The following STXBP6 variants were observed in gnomAD, a reference collection of about 807,000 sequenced individuals.
STXBP6 encodes the protein syntaxin-binding protein 6.
STXBP6 carries 21 observed loss-of-function variants against 26.9 expected under a neutral mutation model. The observed-to-expected ratio is 0.78, with a 90% CI of 0.55 to 1.12. The LOEUF (loss-of-function observed/expected upper bound fraction) is 1.12, where lower values mean the gene tolerates loss of function less well. Ranked by LOEUF, STXBP6 falls within the 50% of genes most tolerant of loss-of-function variation. The pLI is 0.00. For synonymous variants in STXBP6, 97 were observed against 92.6 expected, an observed-to-expected ratio of 1.05 and a Z score of -0.27; for missense variants, 232 against 257.9, an observed-to-expected ratio of 0.90 and a Z score of 0.69.
chr14:25,015,916 G>A (rs2140402660), intron 1 of STXBP6, among the ~76,000 whole-genome samples: 1 of 152,246 alleles, frequency 6.6e-6, no homozygotes, highest in East Asian at 1.9e-4. Flanking sequence ...GTGTCACCTT[G>A]TAGCTAAGAG....
intron 2 of STXBP6, among the ~76,000 whole-genome samples, chr14:24,877,855 G>A (rs1258327791): frequency 6.6e-6 from 1 of 152,166 alleles, no homozygotes; most frequent in South Asian, 2.1e-4. Context: ...TATAAGCAAT[G>A]TAACATCTTG....
intron 1 of STXBP6, among the ~76,000 whole-genome samples, chr14:25,039,706 TC>T (rs978094672): frequency 8.8e-5 from 13 of 147,944 alleles, no homozygotes; most frequent in African/African-American, 3.2e-4. Flanking sequence ...AGAATCTGCA[TC>T]CTTTTTTTTT....
intron 2 of STXBP6, among the ~76,000 whole-genome samples, chr14:24,936,450 T>A (rs923519819): frequency 6.6e-6 from 1 of 152,208 alleles, no homozygotes; most frequent in Non-Finnish European, 1.5e-5. Context: ...ATAGGAAGAA[T>A]GTGAAGAAAG....
At chr14:24,891,378 A>C (rs1241616) in intron 2 of STXBP6, among the ~76,000 whole-genome samples, 55,552 of 152,054 alleles carry the variant, frequency 0.37, 10,367 homozygotes, top group East Asian at 0.43. Flanking sequence ...TTGAATACTC[A>C]GTTCATATCC....
chr14:25,038,253 A>G (rs956822324), intron 1 of STXBP6, among the ~76,000 whole-genome samples: 2 of 152,212 alleles, frequency 1.3e-5, no homozygotes, highest in Non-Finnish European at 2.9e-5. Context: ...AATGTGGAAC[A>G]ATGGAACTCT....
At position 24,852,959 on chromosome 14, in the gene STXBP6, A is replaced by C. The variant is rs148457942; in HGVS notation, c.451+2977T>G. On this transcript the variant is annotated intron_variant, in intron 4 of 5. Transcript: ENST00000323944. ...CTTGGCAAGCTATTTGATCTCTCTG[A>C]TTCTGTTTCCTTCTCTATAAAATGG... 5.1e-3 allele frequency among the ~76,000 whole-genome samples: 775 copies of C among 152,214 alleles called. 7 individuals carry two copies. The highest frequency in any genetic ancestry group is 0.018 in the African/African-American group (728 of 41,556).
intron 4 of STXBP6, among the ~76,000 whole-genome samples, chr14:24,825,397 T>C (rs1472299866): frequency 2.0e-5 from 3 of 152,222 alleles, no homozygotes; most frequent in Non-Finnish European, 4.4e-5. Context: ...AATTATCTTT[T>C]GTCTCAAGTT....
intron 1 of STXBP6, among the ~76,000 whole-genome samples, chr14:25,039,738 G>A (rs978891622): frequency 1.0e-4 from 15 of 148,162 alleles, no homozygotes; most frequent in East Asian, 7.9e-4. Flanking sequence ...ACGGAGTCTC[G>A]CTCTGTTGCC....
At chr14:24,881,055 C>T in intron 2 of STXBP6, among the ~76,000 whole-genome samples, 1 of 152,170 alleles carries the variant, frequency 6.6e-6, no homozygotes, top group East Asian at 1.9e-4. Context: ...ACTTGCTTCC[C>T]CATACACCTT....
intron 2 of STXBP6, among the ~76,000 whole-genome samples, chr14:24,869,196 C>A (rs528948030): frequency 2.6e-5 from 4 of 152,100 alleles, no homozygotes; most frequent in Admixed American, 6.6e-5. Context: ...TTTCACCCAC[C>A]CTACTCTCTT....
chr14:24,960,874 ATC>A (rs2073513114), intron 2 of STXBP6, among the ~76,000 whole-genome samples: 1 of 152,224 alleles, frequency 6.6e-6, no homozygotes, highest in Non-Finnish European at 1.5e-5. Context: ...CAATAATCAC[ATC>A]TCTTTCTCAT....
intron 1 of STXBP6, among the ~76,000 whole-genome samples, chr14:25,041,144 A>G (rs1416239697): frequency 6.6e-6 from 1 of 152,000 alleles, no homozygotes; most frequent in Non-Finnish European, 1.5e-5. Context: ...AACATGGTGA[A>G]ACCCAGTCTC....
chr14:24,847,321 G>A (rs545110389), intron 4 of STXBP6, among the ~76,000 whole-genome samples: 5 of 152,110 alleles, frequency 3.3e-5, no homozygotes, highest in African/African-American at 7.2e-5. Flanking sequence ...TACTGCCTAC[G>A]TGAAATAAGC....
intron 2 of STXBP6, among the ~76,000 whole-genome samples, chr14:24,882,695 A>C (rs2070417674): frequency 6.6e-6 from 1 of 152,218 alleles, no homozygotes; most frequent in African/African-American, 2.4e-5. Flanking sequence ...GCAAGGGAAT[A>C]CATTCATAAA....
At chr14:24,951,271 G>A (rs2073160858) in intron 2 of STXBP6, among the ~76,000 whole-genome samples, 1 of 152,036 alleles carries the variant, frequency 6.6e-6, no homozygotes. Flanking sequence ...GGGATTGCTG[G>A]GTCAAATGGT....
At chr14:24,936,390 T>G (rs146084737) in intron 2 of STXBP6, among the ~76,000 whole-genome samples, 1 of 152,200 alleles carries the variant, frequency 6.6e-6, no homozygotes, top group Non-Finnish European at 1.5e-5. Flanking sequence ...CACCTTCAGA[T>G]AGAAGAGGTC....
chr14:24,918,502 A>ACACACACACACAC (rs1595108470), intron 2 of STXBP6, among the ~76,000 whole-genome samples: 2 of 144,752 alleles, frequency 1.4e-5, no homozygotes, highest in East Asian at 2.0e-4. Context: ...ACACACACAC[A>ACACACACACACAC]GCAGGCATGG....
At chr14:24,948,393 T>G (rs978092344) in intron 2 of STXBP6, among the ~76,000 whole-genome samples, 2 of 152,096 alleles carry the variant, frequency 1.3e-5, no homozygotes, top group Non-Finnish European at 2.9e-5. Context: ...ACAGAGAATC[T>G]ATGGGAAGTG....
chr14:24,931,562 A>C lies in STXBP6; in HGVS notation c.154+43103T>G, dbSNP rs78953903. Among the ~76,000 whole-genome samples, 21 of 152,274 alleles carry C rather than the reference A, an allele frequency of 1.4e-4. No individual in the cohort carries two copies. The East Asian group carries it at 3.7e-3, about 27-fold the overall frequency. Reference sequence around the variant, plus strand: ...TGTTAAAGACTCATTCATTCATTCAACTAATTCCCTCATATTTATGGAGCA... The same window carrying C: ...TGTTAAAGACTCATTCATTCATTCACCTAATTCCCTCATATTTATGGAGCA... On this transcript the variant is annotated intron_variant, in intron 2 of 5. Coordinates refer to ENST00000323944, the MANE Select transcript of STXBP6 (RefSeq NM_001394410.1).
Sources: allele counts gnomAD v4.1 joint callset (sites outside exome capture counted in the v4.1 genomes callset), GRCh38; gene constraint gnomAD v4.1.1; transcripts MANE v1.5; gene names NCBI Gene and HGNC (gene_info 2026-07-23, HGNC 2026-07-21).